The following RORA variants were observed in gnomAD, a reference collection of about 807,000 sequenced individuals.
RORA encodes the protein RAR related orphan receptor A.
RORA carries 7 observed loss-of-function variants against 69.5 expected under a neutral mutation model. The observed-to-expected ratio is 0.10, with a 90% CI of 0.06 to 0.19. The LOEUF (loss-of-function observed/expected upper bound fraction) is 0.19. Ranked by LOEUF, RORA falls within the 10% of genes least tolerant of loss-of-function variation. The probability of loss-of-function intolerance (pLI) is 1.00; values close to 1 mark genes in which losing one functional copy is unlikely to be tolerated. For missense variants in RORA, 457 were observed against 663.0 expected, an observed-to-expected ratio of 0.69 and a Z score of 3.41; for synonymous variants, 261 against 240.8, an observed-to-expected ratio of 1.08 and a Z score of -0.78.
chr15:60,680,636 A>C (rs1199694397), intron 1 of RORA, among the ~76,000 whole-genome samples: 1 of 152,188 alleles, frequency 6.6e-6, no homozygotes, highest in Non-Finnish European at 1.5e-5. Flanking sequence ...TTAATAATCA[A>C]TATAAATAAC....
intron 1 of RORA, among the ~76,000 whole-genome samples, chr15:61,009,043 C>T (rs974135860): frequency 2.0e-5 from 3 of 152,154 alleles, no homozygotes; most frequent in African/African-American, 7.2e-5. Flanking sequence ...AAACAGACAC[C>T]TTGCCTACTG....
intron 1 of RORA, among the ~76,000 whole-genome samples, chr15:60,993,042 CTTACT>C (rs1566936329): frequency 1.3e-5 from 2 of 152,166 alleles, no homozygotes; most frequent in East Asian, 3.9e-4. Flanking sequence ...TTCTGCCATA[CTTACT>C]TGTCCTTGGC....
chr15:60,714,092 C>A (rs993353226), intron 1 of RORA, among the ~76,000 whole-genome samples: 1 of 151,770 alleles, frequency 6.6e-6, no homozygotes, highest in African/African-American at 2.4e-5. Flanking sequence ...CTCACTCCGT[C>A]GCCCAGGATG....
intron 1 of RORA, among the ~76,000 whole-genome samples, chr15:61,196,522 C>T (rs1428361458): frequency 2.6e-5 from 4 of 152,244 alleles, no homozygotes; most frequent in African/African-American, 9.6e-5. Context: ...AGAAGCTGCA[C>T]AAGCAGCACT....
intron 1 of RORA, among the ~76,000 whole-genome samples, chr15:60,943,184 A>G (rs1892752010): frequency 6.6e-6 from 1 of 152,242 alleles, no homozygotes; most frequent in African/African-American, 2.4e-5. Context: ...TTAGAAAGAA[A>G]GGTGACTTTG....
intron 2 of RORA, among the ~76,000 whole-genome samples, chr15:60,633,155 G>C (rs2069772920): frequency 6.6e-6 from 1 of 152,194 alleles, no homozygotes; most frequent in South Asian, 2.1e-4. Flanking sequence ...AGAATATGCA[G>C]ACCAGGTCAT....
chr15:60,609,041 T>C (rs1014861058), intron 2 of RORA, among the ~76,000 whole-genome samples: 3 of 152,230 alleles, frequency 2.0e-5, no homozygotes, highest in Non-Finnish European at 4.4e-5. Flanking sequence ...TTTATGGCCC[T>C]GTATTTCATT....
intron 1 of RORA, among the ~76,000 whole-genome samples, chr15:60,859,787 TAATC>T: frequency 6.6e-6 from 1 of 151,998 alleles, no homozygotes; most frequent in South Asian, 2.1e-4. Context: ...GGGGAATACT[TAATC>T]AATATTTGTG....
At chr15:60,654,573 C>T (rs755963681) in intron 2 of RORA, among the ~76,000 whole-genome samples, 9 of 152,110 alleles carry the variant, frequency 5.9e-5, no homozygotes, top group South Asian at 2.1e-4. Context: ...TCTTAATTCC[C>T]GGAACCTACA....
chr15:61,097,191 G>A (rs2078803110), intron 1 of RORA, among the ~76,000 whole-genome samples: 1 of 152,198 alleles, frequency 6.6e-6, no homozygotes, highest in African/African-American at 2.4e-5. Flanking sequence ...GGTCCAGAAA[G>A]TCGGGAAAGA....
chr15:60,884,020 G>C (rs2073721723), intron 1 of RORA, among the ~76,000 whole-genome samples: 1 of 152,230 alleles, frequency 6.6e-6, no homozygotes, highest in Non-Finnish European at 1.5e-5. Context: ...CAATGGAGAA[G>C]CTACAAATGA....
chr15:60,567,483 C>G (rs1331481433), intron 2 of RORA, among the ~76,000 whole-genome samples: 1 of 151,628 alleles, frequency 6.6e-6, no homozygotes, highest in Non-Finnish European at 1.5e-5. Context: ...GTGATCTCAG[C>G]TCATGCAACC....
At chr15:60,813,316 C>T (rs185406431) in intron 1 of RORA, among the ~76,000 whole-genome samples, 67 of 152,344 alleles carry the variant, frequency 4.4e-4, no homozygotes, top group Admixed American at 3.9e-3. Context: ...TCTATCTGGA[C>T]GCCCAGCTGC....
chr15:61,075,689 C>A (rs1332849882), intron 1 of RORA, among the ~76,000 whole-genome samples: 11 of 152,172 alleles, frequency 7.2e-5, no homozygotes. Context: ...AATGGATTTT[C>A]CCAGAGTCTC....
intron 1 of RORA, among the ~76,000 whole-genome samples, chr15:60,803,515 AAAGGCAAGG>A (rs1248606972): frequency 6.6e-5 from 10 of 152,182 alleles, no homozygotes; most frequent in African/African-American, 2.4e-4. Context: ...TGCTCCAAGA[AAAGGCAAGG>A]AATTGAACAG....
chr15:60,836,424 C>G (rs1283934147), intron 1 of RORA, among the ~76,000 whole-genome samples: 1 of 152,146 alleles, frequency 6.6e-6, no homozygotes, highest in East Asian at 1.9e-4. Flanking sequence ...ATCCTTGCCA[C>G]AGACTCCTCC....
chr15:61,117,042 C>T (rs1173368526), intron 1 of RORA, among the ~76,000 whole-genome samples: 1 of 152,136 alleles, frequency 6.6e-6, no homozygotes, highest in Non-Finnish European at 1.5e-5. Flanking sequence ...AAACACACAC[C>T]TTTCAATCCC....
At chr15:60,693,571 TA>T (rs2070860898) in intron 1 of RORA, among the ~76,000 whole-genome samples, 1 of 152,192 alleles carries the variant, frequency 6.6e-6, no homozygotes, top group Admixed American at 6.5e-5. Flanking sequence ...AAAAGCTTCT[TA>T]AGCTGATAAG....
At chr15:61,143,667 G>A (rs1419483650) in intron 1 of RORA, among the ~76,000 whole-genome samples, 4 of 152,128 alleles carry the variant, frequency 2.6e-5, no homozygotes, top group African/African-American at 4.8e-5. Flanking sequence ...TTCAGATGTG[G>A]GAAAATGGTG....
Sources: gnomAD v4.1 joint callset for allele counts (sites outside exome capture counted in the v4.1 genomes callset) on GRCh38, gnomAD v4.1.1 for gene constraint, MANE v1.5 for transcripts, NCBI Gene and HGNC (gene_info 2026-07-23, HGNC 2026-07-21) for gene names.